IQCK: variants seen among roughly 807,000 people sequenced by gnomAD.
The protein encoded by IQCK is IQ domain-containing protein K.
In IQCK, 29 loss-of-function variants were observed where a neutral mutation model predicts 28.1. That is an observed-to-expected ratio of 1.03 (90% CI 0.77 to 1.41). The LOEUF is 1.41. IQCK is among the 40% of genes most tolerant of loss of function. IQCK has a pLI of 0.00. For missense variants in IQCK, 359 were observed against 314.7 expected (o/e 1.14, Z -1.07); for synonymous variants, 113 against 115.1 (o/e 0.98, Z 0.12).
chr16:19,811,272 AAAC>A (rs1481152782), intron 7 of IQCK, among the ~76,000 whole-genome samples: 9 of 152,258 alleles, frequency 5.9e-5, no homozygotes, highest in Non-Finnish European at 1.0e-4. Context: ...CCCTGTCTCA[AAAC>A]AACAACAATG....
chr16:19,728,102 A>T (rs369802738), intron 1 of IQCK, among the ~76,000 whole-genome samples: 1 of 149,290 alleles, frequency 6.7e-6, no homozygotes, highest in East Asian at 1.9e-4. Flanking sequence ...AGCAGAAGAG[A>T]TTCTCCTGCT....
At chr16:19,849,273 T>TTA (rs2056451336) in intron 9 of IQCK, among the ~76,000 whole-genome samples, 2 of 151,686 alleles carry the variant, frequency 1.3e-5, no homozygotes, top group African/African-American at 4.8e-5. Flanking sequence ...TTTTTTTTTT[T>TTA]TTATGTATTT....
intron 7 of IQCK, among the ~76,000 whole-genome samples, chr16:19,823,966 A>G (rs1567195193): frequency 6.6e-6 from 1 of 152,022 alleles, no homozygotes; most frequent in Non-Finnish European, 1.5e-5. Context: ...AAATAAATAA[A>G]GTTGATTAAG....
downstream of IQCK, among the ~76,000 whole-genome samples, chr16:19,827,619 CAGAG>C (rs145355306): frequency 0.013 from 2,055 of 152,224 alleles, 33 homozygotes; most frequent in African/African-American, 0.046. Context: ...AAGGTGTTTC[CAGAG>C]AGATTAGCAT....
chr16:19,731,500 T>C (rs1977836576), intron 2 of IQCK, among the ~76,000 whole-genome samples: 1 of 152,256 alleles, frequency 6.6e-6, no homozygotes, highest in African/African-American at 2.4e-5. Context: ...ACGCAATTCT[T>C]TCTCAAATTT....
intron 6 of IQCK, among the ~76,000 whole-genome samples, chr16:19,768,842 AT>A (rs1413300113): frequency 6.6e-6 from 1 of 152,208 alleles, no homozygotes; most frequent in East Asian, 1.9e-4. Context: ...TGTGTAACAA[AT>A]TGCCCCCAAA....
intron 6 of IQCK, among the ~76,000 whole-genome samples, chr16:19,767,780 C>T (rs2055261355): frequency 6.6e-6 from 1 of 152,040 alleles, no homozygotes; most frequent in Admixed American, 6.6e-5. Flanking sequence ...ACGCCCTCCT[C>T]TACGGAGCAC....
chr16:19,851,708 C>T (rs62025059), intron 9 of IQCK, among the ~76,000 whole-genome samples: 9,907 of 152,274 alleles, frequency 0.065, 524 homozygotes, highest in Non-Finnish European at 0.098. Flanking sequence ...GGCTGGGCAC[C>T]AGCCTGCTGA....
intron 6 of IQCK, among the ~76,000 whole-genome samples, chr16:19,772,484 A>G (rs759115150): frequency 2.0e-5 from 3 of 152,228 alleles, no homozygotes; most frequent in Non-Finnish European, 4.4e-5. Context: ...TGATGAGAAT[A>G]CTAATTTCAT....
In IQCK at chr16:19,804,380, A is replaced by G. The variant is rs550136646; in HGVS notation, c.690+15458A>G. On this transcript the variant is annotated intron_variant, in intron 7 of 7. Coordinates refer to ENST00000564186, the Ensembl canonical transcript of IQCK. The stretch of plus-strand genomic sequence containing the variant: ...AAAATAAAAAAGTACTTGAGGTTCT[A>G]TTTCCTAAACAGAGGTAAAAGGTTT... 2.6e-5 allele frequency among the ~76,000 whole-genome samples: 4 copies of G among 151,860 alleles called. No homozygotes were observed. In the South Asian group the frequency reaches 8.3e-4, roughly 32 times the overall value.
chr16:19,775,616 A>G (rs1330191135), intron 6 of IQCK, among the ~76,000 whole-genome samples: 1 of 152,202 alleles, frequency 6.6e-6, no homozygotes, highest in Non-Finnish European at 1.5e-5. Flanking sequence ...TAACCCAACA[A>G]CAGCTTACTT....
intron 4 of IQCK, among the ~76,000 whole-genome samples, chr16:19,740,966 TAAAA>T (rs59584575): frequency 1.5e-5 from 2 of 129,234 alleles, no homozygotes; most frequent in Non-Finnish European, 1.7e-5. Flanking sequence ...AGACTCCATC[TAAAA>T]AAAAAAAAAA....
At chr16:19,808,471 G>GA (rs2055860146) in intron 7 of IQCK, among the ~76,000 whole-genome samples, 1 of 152,178 alleles carries the variant, frequency 6.6e-6, no homozygotes, top group African/African-American at 2.4e-5. Flanking sequence ...TGAGAAGCCT[G>GA]AGTGCCACCC....
intron 2 of IQCK, among the ~76,000 whole-genome samples, chr16:19,731,128 C>T (rs927032504): frequency 3.3e-5 from 5 of 152,162 alleles, no homozygotes; most frequent in African/African-American, 1.2e-4. Context: ...TGCAGTGGAT[C>T]TAACACCATG....
intron 7 of IQCK, among the ~76,000 whole-genome samples, chr16:19,817,263 G>A (rs745388666): frequency 5.3e-5 from 8 of 152,144 alleles, no homozygotes; most frequent in Non-Finnish European, 1.0e-4. Flanking sequence ...AATTGTTTAT[G>A]TGTTAAACAT....
intron 4 of IQCK, among the ~76,000 whole-genome samples, chr16:19,752,438 A>T (rs2054998989): frequency 6.6e-6 from 1 of 152,244 alleles, no homozygotes. Context: ...GCTGGGGAGT[A>T]TTAAGTATGC....
chr16:19,814,220 CAAAAAAAAAAAAA>C (rs71146272), intron 7 of IQCK, among the ~76,000 whole-genome samples: 12 of 19,440 alleles, frequency 6.2e-4, no homozygotes, highest in East Asian at 2.0e-3. Context: ...AACTCTATCT[CAAAAAAAAAAAAA>C]AAAAAAAAAA....
intron 1 of IQCK, among the ~76,000 whole-genome samples, chr16:19,719,280 A>G (rs536797001): frequency 1.7e-4 from 26 of 152,150 alleles, no homozygotes; most frequent in African/African-American, 5.8e-4. Context: ...GCTAGTTCTT[A>G]ATGAATAATG....
At chr16:19,739,843 A>T (rs1332996549) in intron 4 of IQCK, among the ~76,000 whole-genome samples, 4 of 152,022 alleles carry the variant, frequency 2.6e-5, no homozygotes, top group African/African-American at 9.7e-5. Context: ...CCTCTCATTG[A>T]TTTATTGCCC....
Sources: allele counts gnomAD v4.1 joint callset (sites outside exome capture counted in the v4.1 genomes callset), GRCh38; gene constraint gnomAD v4.1.1; transcripts MANE v1.5; gene names NCBI Gene and HGNC (gene_info 2026-07-23, HGNC 2026-07-21).